The following XAF1 variants were observed in gnomAD, a reference collection of about 807,000 sequenced individuals.
XAF1 encodes XIAP-associated factor 1.
XAF1 carries 32 observed loss-of-function variants against 32.3 expected under a neutral mutation model. The ratio of observed to expected loss-of-function variants is 0.99; its 90% CI spans 0.75 to 1.33. The LOEUF (loss-of-function observed/expected upper bound fraction) is 1.33, where lower values mean the gene tolerates loss of function less well. Among genes scored for constraint, XAF1 ranks in the 40% most tolerant of loss-of-function variants. The pLI is 0.00. For synonymous variants in XAF1, 120 were observed against 125.9 expected (o/e 0.95, Z 0.31); for missense variants, 379 against 366.0 (o/e 1.04, Z -0.29).
upstream of XAF1, chr17:6,756,008 G>A (rs1230789237): frequency 1.5e-5 from 24 of 1,611,730 alleles, no homozygotes; most frequent in South Asian, 4.4e-5. Flanking sequence ...CTGGGCCATC[G>A]GAAAACTTTC....
chr17:6,759,574 C>G (rs1453565520), intron 2 of XAF1, 88 bp from the exon 3 acceptor site: 1 of 1,594,670 alleles, frequency 6.3e-7, no homozygotes, highest in African/African-American at 1.3e-5. Flanking sequence ...ACCCGGAACA[C>G]TGTGAGCCAA....
Position 6,773,232 on chromosome 17 carries a change from C to A in XAF1, c.*63C>A. On this transcript the variant is annotated 3_prime_UTR_variant, in exon 7 of 7. Coordinates refer to ENST00000361842, the MANE Select transcript of XAF1 (RefSeq NM_017523.5). ...TCACTTTTAACACTGGCATTCCTGC[C>A]TACTTGCTGTGGTGGTCTTGTGAAA... is the stretch of plus-strand genomic sequence containing the variant. 2 of 1,452,718 alleles carry A rather than the reference C, an allele frequency of 1.4e-6. No individual in the cohort carries two copies. Among genetic ancestry groups the A allele is most frequent in the Admixed American group, 2.1e-5 (1 of 48,574 alleles). 90.0% of individuals were successfully genotyped at this position (1,452,718 alleles called of 1,614,324 possible). A position where few individuals can be genotyped will look rare whatever the true frequency, so the allele number is the denominator to read the frequency against.
chr17:6,758,039 A>G, intron 1 of XAF1, 50 bp from the exon 2 acceptor site: 1 of 1,611,746 alleles, frequency 6.2e-7, no homozygotes, highest in South Asian at 1.1e-5. Flanking sequence ...TCCATGTTTT[A>G]TAATATGAAA....
chr17:6,756,630 C>T (rs1206823738), intron 1 of XAF1, among the ~76,000 whole-genome samples: 1 of 152,130 alleles, frequency 6.6e-6, no homozygotes, highest in East Asian at 1.9e-4. Flanking sequence ...CTCAAAGCTC[C>T]CTACCTGTGA....
chr17:6,773,099 T>C lies in XAF1; in HGVS notation c.850-14T>C. On this transcript the variant is annotated splice_polypyrimidine_tract_variant and intron_variant, in intron 6 of 6. Coordinates refer to ENST00000361842, the MANE Select transcript of XAF1 (RefSeq NM_017523.5). ...CTTTAACCATATCAAACTTTTTTTA[T>C]ATCCATTTCTTAGGAGAAATGCCGG... 6.2e-7 allele frequency: 1 copy of C among 1,600,998 alleles called. No individual in the cohort carries two copies. Among genetic ancestry groups the C allele is most frequent in the Non-Finnish European group, 8.5e-7 (1 of 1,176,120 alleles).
At chr17:6,760,663 G>C in intron 4 of XAF1, 62 bp downstream of exon 4, 1 of 1,508,818 alleles carries the variant, frequency 6.6e-7, no homozygotes, top group South Asian at 1.3e-5. Flanking sequence ...TCCTGGATGG[G>C]ATGCAAGGAA....
chr17:6,759,792 G>C, intron 3 of XAF1, 74 bp downstream of exon 3: 1 of 1,610,434 alleles, frequency 6.2e-7, no homozygotes, highest in Middle Eastern at 1.7e-4. Flanking sequence ...GGGGAAACGG[G>C]AGGCCAGTAA....
intron 5 of XAF1, among the ~76,000 whole-genome samples, chr17:6,768,862 C>T (rs867673306): frequency 6.6e-6 from 1 of 152,106 alleles, no homozygotes; most frequent in Non-Finnish European, 1.5e-5. Context: ...TGCTTTTCTC[C>T]TGCTCAGGAT....
At chr17:6,761,876 A>G in intron 4 of XAF1, 10 of 1,445,492 alleles carry the variant, frequency 6.9e-6, no homozygotes, top group Non-Finnish European at 9.2e-6. Flanking sequence ...AGCTCCATTC[A>G]TCTCCTTAGA....
intron 6 of XAF1, chr17:6,772,854 G>A (rs1976158119): frequency 2.7e-6 from 1 of 364,010 alleles, no homozygotes; most frequent in Non-Finnish European, 4.9e-6. Flanking sequence ...TTTTATTAAT[G>A]GCTGCCTAAG....
intron 5 of XAF1, 64 bp downstream of exon 5, chr17:6,762,304 T>A (rs1975281714): frequency 7.1e-7 from 1 of 1,411,998 alleles, no homozygotes; most frequent in Admixed American, 2.2e-5. Flanking sequence ...AAAAGTGTGA[T>A]AGGAAAGGCA....
In XAF1 at chr17:6,760,554, C is replaced by T. The variant is rs1321301067; in HGVS notation, c.374C>T (p.Ala125Val). Residue 125 changes from alanine (A) to valine (V), a missense_variant, in exon 4 of 7, where the codon GCC becomes GTC. Transcript: ENST00000361842. ...CAGTTCATCATGCACCGCATGCTCGCCCAGCACAGAGATGTCTGTCGCAGT... is the reference window on the plus strand; with the variant it reads ...CAGTTCATCATGCACCGCATGCTCGTCCAGCACAGAGATGTCTGTCGCAGT... ...CGQFIMHRML[A>V]QHRDVCRSEQ... The T allele has an allele frequency of 6.2e-7, 1 of 1,613,264 alleles. No individual in the cohort carries two copies. The highest frequency in any genetic ancestry group is 1.3e-5 in the African/African-American group (1 of 74,868).
chr17:6,756,131 G>A, intron 1 of XAF1, 21 bp downstream of exon 1: 1 of 1,614,024 alleles, frequency 6.2e-7, no homozygotes, highest in African/African-American at 1.3e-5. Context: ...GCTTTCTCCA[G>A]CGGCAGACCC....
chr17:6,766,341 G>A (rs1216354702), intron 5 of XAF1, among the ~76,000 whole-genome samples: 1 of 152,052 alleles, frequency 6.6e-6, no homozygotes, highest in East Asian at 1.9e-4. Flanking sequence ...AAGCCCCACT[G>A]GTCCCCTTCA....
chr17:6,769,998 T>C (rs1415478733), intron 5 of XAF1, among the ~76,000 whole-genome samples: 1 of 152,234 alleles, frequency 6.6e-6, no homozygotes, highest in Non-Finnish European at 1.5e-5. Context: ...CAATAGAGTC[T>C]TACTTCCAAA....
At chr17:6,760,989 T>C (rs1413418523) in intron 4 of XAF1, among the ~76,000 whole-genome samples, 2 of 152,086 alleles carry the variant, frequency 1.3e-5, no homozygotes, top group Non-Finnish European at 1.5e-5. Flanking sequence ...ACCCCGTCTC[T>C]ACTAAAAATA....
Position 6,767,609 on chromosome 17 carries a change from C to T in XAF1, c.508-3034C>T, listed in dbSNP as rs552942791. Reference sequence around the variant, plus strand: ...CCAAGATATCCTGTTATTTCACCATCATTCTTTAATATCTCAAAAATACAG... The same window carrying T: ...CCAAGATATCCTGTTATTTCACCATTATTCTTTAATATCTCAAAAATACAG... On this transcript the variant is annotated intron_variant, in intron 5 of 6. Coordinates refer to ENST00000361842, the MANE Select transcript of XAF1 (RefSeq NM_017523.5). Among the ~76,000 whole-genome samples, 5 of 152,300 alleles carry T rather than the reference C, an allele frequency of 3.3e-5. No individual in the cohort carries two copies. The South Asian group carries it at 1.0e-3, about 32-fold the overall frequency.
chr17:6,761,947 T>C, intron 4 of XAF1: 2 of 1,522,652 alleles, frequency 1.3e-6, no homozygotes, highest in South Asian at 2.4e-5. Context: ...TGAGTGCACA[T>C]CTGTGGCCAT....
intron 6 of XAF1, among the ~76,000 whole-genome samples, chr17:6,772,549 C>T (rs1000524398): frequency 1.0e-4 from 15 of 145,028 alleles, no homozygotes; most frequent in East Asian, 4.0e-4. Flanking sequence ...CGGCTCACTG[C>T]GATCTCTGCC....
Sources: allele counts gnomAD v4.1 joint callset (sites outside exome capture counted in the v4.1 genomes callset), GRCh38; gene constraint gnomAD v4.1.1; transcripts MANE v1.5; gene names NCBI Gene and HGNC (gene_info 2026-07-23, HGNC 2026-07-21).